The following RIMS2 variants were observed in gnomAD, a reference collection of about 807,000 sequenced individuals.
RIMS2 encodes the protein regulating synaptic membrane exocytosis protein 2.
RIMS2 carries 59 observed loss-of-function variants against 174.4 expected under a neutral mutation model. The observed-to-expected ratio is 0.34, with a 90% confidence interval of 0.27 to 0.42. The LOEUF (loss-of-function observed/expected upper bound fraction) is 0.42. Ranked by LOEUF, RIMS2 falls within the 10% of genes least tolerant of loss-of-function variation. The probability of loss-of-function intolerance (pLI) is 1.00; values close to 1 mark genes in which losing one functional copy is unlikely to be tolerated. For synonymous variants in RIMS2, 606 were observed against 572.5 expected (o/e 1.06, Z -0.84); for missense variants, 1,620 against 1,666.3 (o/e 0.97, Z 0.48).
At chr8:104,006,282 G>A (rs578035159) in intron 17 of RIMS2, among the ~76,000 whole-genome samples, 3 of 152,212 alleles carry the variant, frequency 2.0e-5, no homozygotes, top group East Asian at 1.9e-4. Flanking sequence ...GGGCGCGGTA[G>A]CTCACGCCTG....
chr8:103,902,332 T>C (rs984141836), intron 4 of RIMS2, among the ~76,000 whole-genome samples: 11 of 152,110 alleles, frequency 7.2e-5, no homozygotes, highest in Non-Finnish European at 1.3e-4. Flanking sequence ...TTATGAAACT[T>C]AACAGTGTCA....
chr8:103,990,407 A>G (rs2094606584), intron 17 of RIMS2, among the ~76,000 whole-genome samples: 1 of 152,108 alleles, frequency 6.6e-6, no homozygotes, highest in Non-Finnish European at 1.5e-5. Flanking sequence ...GAGATCTAAG[A>G]AGAAATTATA....
intron 2 of RIMS2, among the ~76,000 whole-genome samples, chr8:103,729,083 T>C (rs924566261): frequency 4.3e-4 from 66 of 152,136 alleles, no homozygotes; most frequent in Admixed American, 4.2e-3. Context: ...AGGGTCATAA[T>C]GGCCTCATAG....
chr8:103,700,980 G>T (rs886683887), intron 2 of RIMS2, among the ~76,000 whole-genome samples: 1 of 151,746 alleles, frequency 6.6e-6, no homozygotes. Flanking sequence ...TATTCTTTTT[G>T]TATAAAGAGT....
At chr8:104,012,716 A>G (rs563232060) in intron 17 of RIMS2, among the ~76,000 whole-genome samples, 1 of 152,256 alleles carries the variant, frequency 6.6e-6, no homozygotes, top group African/African-American at 2.4e-5. Flanking sequence ...GGTTGCTTAA[A>G]TTTAAGGATA....
intron 1 of RIMS2, among the ~76,000 whole-genome samples, chr8:103,626,509 A>C (rs2095790173): frequency 6.6e-6 from 1 of 152,258 alleles, no homozygotes; most frequent in South Asian, 2.1e-4. Flanking sequence ...AACATAAAAA[A>C]CTACAAACAA....
At chr8:103,936,990 C>T (rs538020451) in intron 13 of RIMS2, among the ~76,000 whole-genome samples, 56 of 151,728 alleles carry the variant, frequency 3.7e-4, no homozygotes, top group Non-Finnish European at 6.2e-4. Context: ...CCCAGCTACT[C>T]GGGAGGCTGA....
chr8:103,745,073 G>A lies in RIMS2; in HGVS notation c.388-21154G>A, dbSNP rs113958864. On this transcript the variant is annotated intron_variant, in intron 2 of 23. Transcript: ENST00000504942. ...TAACTATTTTAAAGTATACAAGTTA[G>A]TGGTTTTTAGTACATTAACAGTGTC... 5.0e-3 allele frequency among the ~76,000 whole-genome samples: 764 copies of A among 152,198 alleles called. 8 individuals carry two copies. Among genetic ancestry groups the A allele is most frequent in the African/African-American group, 0.017 (725 of 41,530 alleles).
In RIMS2 at chr8:104,041,344, G is replaced by A. The variant is rs531481729; in HGVS notation, c.3334+26729G>A. 4 of 696,648 alleles carry A rather than the reference G, an allele frequency of 5.7e-6. No individual in the cohort carries two copies. In the Admixed American group the frequency reaches 5.9e-5, roughly 10 times the overall value. The allele number at this position is 696,648 out of a possible 1,614,324, so 43.2% of individuals were successfully genotyped here. ...ATCACAGAAGAACTGGACTCTACAA[G>A]GAGAAGATATGCAGGTCTGTCTCTT... On this transcript the variant is annotated intron_variant, in intron 19 of 23. Transcript: ENST00000504942.
rs77528766 is a variant in RIMS2 at position 103,721,990 on chromosome 8, G to A, written c.387+24694G>A. Among the ~76,000 whole-genome samples the A allele has an allele frequency of 7.2e-3, 1,103 of 152,226 alleles. 21 individuals carry two copies. The highest frequency in any genetic ancestry group is 0.025 in the African/African-American group (1,023 of 41,544). ...GGGGTGGTGAGGGTCAGAGGGTGAC[G>A]GTAGGGAAGGCAATGATTTTATGAA... is the stretch of plus-strand genomic sequence containing the variant. On this transcript the variant is annotated intron_variant, in intron 2 of 23. Coordinates refer to ENST00000504942, the Ensembl canonical transcript of RIMS2.
chr8:103,720,519 A>G (rs1337969343), intron 2 of RIMS2, among the ~76,000 whole-genome samples: 1 of 152,224 alleles, frequency 6.6e-6, no homozygotes, highest in East Asian at 1.9e-4. Flanking sequence ...CCTTAATAAA[A>G]TCATTCTAGA....
At chr8:103,687,707 T>C (rs1593505) in intron 1 of RIMS2, among the ~76,000 whole-genome samples, 53,822 of 151,984 alleles carry the variant, frequency 0.35, 10,249 homozygotes, top group East Asian at 0.77. Flanking sequence ...TTCTACCCTC[T>C]ACCTCTATGA....
Position 104,244,912 on chromosome 8 carries a change from G to A in RIMS2, c.3335-4G>A, listed in dbSNP as rs1327416718. 1.2e-6 allele frequency: 2 copies of A among 1,612,682 alleles called. No individual in the cohort carries two copies. Among genetic ancestry groups the A allele is most frequent in the South Asian group, 1.1e-5 (1 of 90,996 alleles). On this transcript the variant is annotated splice_polypyrimidine_tract_variant and splice_region_variant and intron_variant, in intron 19 of 23. Coordinates refer to ENST00000504942, the Ensembl canonical transcript of RIMS2. ...TGTTACACTTTTTGTTTCTATCTCT[G>A]CAGAAGCAGGAGGTAAAAAACTAAG...
intron 2 of RIMS2, among the ~76,000 whole-genome samples, chr8:103,749,435 A>G (rs1370974841): frequency 1.3e-5 from 2 of 152,086 alleles, no homozygotes; most frequent in Non-Finnish European, 2.9e-5. Context: ...AGAAAAACTA[A>G]ACTCTCTTTC....
intron 1 of RIMS2, among the ~76,000 whole-genome samples, chr8:103,605,168 C>T (rs1418137132): frequency 4.7e-5 from 2 of 42,274 alleles, no homozygotes; most frequent in African/African-American, 2.8e-4. Context: ...TTTTGAGATA[C>T]ATCCCATCAA....
chr8:103,793,447 G>A (rs1190781505), intron 3 of RIMS2, among the ~76,000 whole-genome samples: 4 of 151,938 alleles, frequency 2.6e-5, no homozygotes, highest in Non-Finnish European at 5.9e-5. Context: ...AATAAGAGCT[G>A]TTTCTGACAA....
intron 15 of RIMS2, among the ~76,000 whole-genome samples, chr8:103,963,402 A>G (rs1035677669): frequency 3.3e-5 from 5 of 152,230 alleles, no homozygotes; most frequent in African/African-American, 9.6e-5. Flanking sequence ...ATCAATTACA[A>G]TCATTCATAA....
chr8:103,602,042 G>A (rs1260415698), intron 1 of RIMS2, among the ~76,000 whole-genome samples: 1 of 152,124 alleles, frequency 6.6e-6, no homozygotes, highest in Non-Finnish European at 1.5e-5. Context: ...CTGGAGTGCA[G>A]TGGCATGATT....
intron 2 of RIMS2, among the ~76,000 whole-genome samples, chr8:103,765,475 G>A (rs1452402533): frequency 6.6e-6 from 1 of 152,106 alleles, no homozygotes; most frequent in Non-Finnish European, 1.5e-5. Flanking sequence ...TACTGCTACT[G>A]AGGTGTACAA....
Sources: allele counts gnomAD v4.1 joint callset (sites outside exome capture counted in the v4.1 genomes callset), GRCh38; gene constraint gnomAD v4.1.1; transcripts MANE v1.5; gene names NCBI Gene and HGNC (gene_info 2026-07-23, HGNC 2026-07-21).